Variants in NGEF observed in about 807,000 individuals in gnomAD.
NGEF encodes the protein neuronal guanine nucleotide exchange factor.
A neutral mutation model predicts 80.9 loss-of-function variants in NGEF; 31 were observed. That is an observed-to-expected ratio of 0.38 (90% confidence interval 0.29 to 0.52). The LOEUF (loss-of-function observed/expected upper bound fraction) is 0.52, where lower values mean the gene tolerates loss of function less well. NGEF is among the 20% of genes least tolerant of loss of function. The probability of loss-of-function intolerance (pLI) is 0.84; values close to 1 mark genes in which losing one functional copy is unlikely to be tolerated. For missense variants in NGEF, 709 were observed against 926.2 expected (o/e 0.77, Z 3.04); for synonymous variants, 371 against 370.2 (o/e 1.00, Z -0.03).
At chr2:232,926,044 G>T (rs972028967) in intron 4 of NGEF, among the ~76,000 whole-genome samples, 1 of 152,092 alleles carries the variant, frequency 6.6e-6, no homozygotes, top group African/African-American at 2.4e-5. Context: ...AGAGTGGGCT[G>T]CCCGGGAAAG....
chr2:232,938,902 C>T lies in NGEF; in HGVS notation c.384-11716G>A, dbSNP rs564216116. 4.0e-5 allele frequency among the ~76,000 whole-genome samples: 6 copies of T among 151,740 alleles called. No individual in the cohort carries two copies. The South Asian group carries it at 6.3e-4, about 16-fold the overall frequency. ...TTCTTAATTAGAACTCAAACTAGGC[C>T]GGGTGTGGTGGCTCATGCCTGTAAT... is the stretch of plus-strand genomic sequence containing the variant. On this transcript the variant is annotated intron_variant, in intron 3 of 14. Coordinates refer to ENST00000264051, the MANE Select transcript of NGEF (RefSeq NM_019850.3).
chr2:232,881,056 A>T, intron 14 of NGEF, 90 bp downstream of exon 14: 1 of 984,854 alleles, frequency 1.0e-6, no homozygotes, highest in Non-Finnish European at 1.6e-6. Context: ...AGCCTGTCAG[A>T]CAGTGGTGGC....
rs781107163 is a variant in NGEF at position 232,879,562 on chromosome 2, A to T, written c.2060T>A (p.Val687Asp). The T allele has an allele frequency of 3.7e-6, 6 of 1,613,860 alleles. No homozygotes were observed. In the South Asian group the frequency reaches 6.6e-5, roughly 18 times the overall value. The change falls in exon 15 of 15, where the codon GTC becomes GAC. Residue 687 changes from valine (V) to aspartate (D), a missense_variant. By Grantham distance (152) the Val-to-Asp change is radical (BLOSUM62 -3). Transcript: ENST00000264051. Reference protein sequence around the residue: ...RSQNLKECFRVHKMDDPQRSQ... With the variant: ...RSQNLKECFRDHKMDDPQRSQ... ...GCGCTGAGGGTCATCCATCTTGTGG[A>T]CACGGAAACATTCCTTGAGGTTCTG...
chr2:232,999,001 A>G (rs535864138), intron 1 of NGEF, among the ~76,000 whole-genome samples: 202 of 152,324 alleles, frequency 1.3e-3, no homozygotes, highest in African/African-American at 4.5e-3. Context: ...CATGAGACAG[A>G]CAGGGTCTCC....
intron 3 of NGEF, among the ~76,000 whole-genome samples, chr2:232,950,392 G>T (rs191201073): frequency 1.3e-5 from 2 of 152,324 alleles, no homozygotes; most frequent in African/African-American, 4.8e-5. Context: ...TAAAGGATTT[G>T]TAGATCAAAT....
chr2:232,995,987 G>A (rs1266906053), intron 1 of NGEF, among the ~76,000 whole-genome samples: 1 of 151,730 alleles, frequency 6.6e-6, no homozygotes, highest in African/African-American at 2.4e-5. Context: ...AACTGAATGG[G>A]GGATAAGGTT....
chr2:233,006,821 G>T (rs995547452), intron 1 of NGEF, among the ~76,000 whole-genome samples: 2 of 152,166 alleles, frequency 1.3e-5, no homozygotes, highest in East Asian at 3.9e-4. Context: ...GGTCAGAGAG[G>T]TTAACCGACT....
intron 1 of NGEF, among the ~76,000 whole-genome samples, chr2:232,979,174 A>T (rs1021747599): frequency 6.6e-6 from 1 of 152,070 alleles, no homozygotes; most frequent in Non-Finnish European, 1.5e-5. Context: ...TCCAGAAAAC[A>T]TGGGGTGGGT....
intron 5 of NGEF, among the ~76,000 whole-genome samples, chr2:232,907,220 T>C (rs1305443935): frequency 2.9e-5 from 4 of 137,476 alleles, no homozygotes; most frequent in Admixed American, 7.2e-5. Context: ...AAACATACTA[T>C]AGCATTTTGT....
intron 1 of NGEF, 81 bp from the exon 2 acceptor site, chr2:232,975,045 C>T (rs1241765689): frequency 1.4e-6 from 1 of 693,170 alleles, no homozygotes; most frequent in African/African-American, 1.8e-5. Context: ...CACTCCCATT[C>T]GAATTTGATG....
At chr2:232,995,929 A>C (rs1447754376) in intron 1 of NGEF, among the ~76,000 whole-genome samples, 1 of 151,724 alleles carries the variant, frequency 6.6e-6, no homozygotes, top group Admixed American at 6.6e-5. Flanking sequence ...CCAACACAGC[A>C]TAAATCCAAA....
intron 5 of NGEF, among the ~76,000 whole-genome samples, chr2:232,906,991 G>T (rs567331965): frequency 1.3e-5 from 2 of 150,672 alleles, no homozygotes; most frequent in African/African-American, 2.4e-5. Flanking sequence ...CAGCATGCTC[G>T]TTAAGAGTCA....
chr2:233,012,388 G>C (rs1458172281), intron 1 of NGEF, among the ~76,000 whole-genome samples: 1 of 152,204 alleles, frequency 6.6e-6, no homozygotes, highest in Non-Finnish European at 1.5e-5. Flanking sequence ...TGTGGCTTGA[G>C]GCCAGCCAGA....
chr2:232,908,480 T>C (rs1692624970), intron 5 of NGEF, among the ~76,000 whole-genome samples: 1 of 143,384 alleles, frequency 7.0e-6, no homozygotes, highest in Non-Finnish European at 1.5e-5. Flanking sequence ...GGTACCTCAA[T>C]GCTGCTTGTT....
chr2:232,905,149 C>A (rs1005270982), intron 5 of NGEF, among the ~76,000 whole-genome samples: 2 of 152,138 alleles, frequency 1.3e-5, no homozygotes, highest in Non-Finnish European at 2.9e-5. Context: ...CCTCTCATGC[C>A]GAGCCAAAGC....
In NGEF at chr2:232,879,422, C is replaced by A. The variant is rs879403437; in HGVS notation, c.*67G>T. ...GGTGCTGGCCTGTGCTTCCCAGAGC[C>A]CCCCCCCCCCCACCTTCTGTCGGGG... On this transcript the variant is annotated 3_prime_UTR_variant, in exon 15 of 15. Coordinates refer to ENST00000264051, the MANE Select transcript of NGEF (RefSeq NM_019850.3). 105 of 205,026 alleles carry A rather than the reference C, an allele frequency of 5.1e-4. 1 individual carries two copies. The East Asian group carries it at 0.017, about 34-fold the overall frequency. The allele number at this position is 205,026 out of a possible 1,614,324, so 12.7% of individuals were successfully genotyped here.
At chr2:232,960,028 C>T (rs980280402) in intron 3 of NGEF, among the ~76,000 whole-genome samples, 5 of 152,228 alleles carry the variant, frequency 3.3e-5, no homozygotes, top group African/African-American at 1.2e-4. Flanking sequence ...AGGTGACTCC[C>T]ACGTTTAATG....
chr2:232,981,777 C>T (rs1296071380), intron 1 of NGEF, among the ~76,000 whole-genome samples: 2 of 152,234 alleles, frequency 1.3e-5, no homozygotes, highest in African/African-American at 2.4e-5. Flanking sequence ...ATCTCCCGCA[C>T]AGCTGGCTCT....
At chr2:232,915,323 C>T (rs1692774904) in intron 5 of NGEF, among the ~76,000 whole-genome samples, 1 of 152,152 alleles carries the variant, frequency 6.6e-6, no homozygotes, top group African/African-American at 2.4e-5. Context: ...GGATCTCTGT[C>T]CTCTCTGTTC....
Sources: allele counts gnomAD v4.1 joint callset (sites outside exome capture counted in the v4.1 genomes callset), GRCh38; gene constraint gnomAD v4.1.1; transcripts MANE v1.5; gene names NCBI Gene and HGNC (gene_info 2026-07-23, HGNC 2026-07-21).